The following WASHC3 variants were observed in gnomAD, a reference collection of about 807,000 sequenced individuals.
The protein encoded by WASHC3 is WASH complex subunit CCDC53.
WASHC3 carries 24 observed loss-of-function variants against 26.1 expected under a neutral mutation model. That is an observed-to-expected ratio of 0.92 (90% CI 0.66 to 1.29). WASHC3 has a LOEUF of 1.29. Ranked by LOEUF, WASHC3 falls within the 50% of genes most tolerant of loss-of-function variation. The pLI is 0.00. For missense variants in WASHC3, 214 were observed against 229.6 expected, an observed-to-expected ratio of 0.93 and a Z score of 0.44; for synonymous variants, 77 against 75.7, an observed-to-expected ratio of 1.02 and a Z score of -0.09.
chr12:102,060,015 T>C (rs554484926), intron 2 of WASHC3, among the ~76,000 whole-genome samples: 5 of 152,310 alleles, frequency 3.3e-5, no homozygotes, highest in South Asian at 2.1e-4. Context: ...TGTTGATAAT[T>C]AGACAAAACA....
chr12:102,036,362 CAAAAAAAA>C (rs1271595888), intron 5 of WASHC3, among the ~76,000 whole-genome samples: 1 of 71,976 alleles, frequency 1.4e-5, no homozygotes, highest in African/African-American at 4.9e-5. Flanking sequence ...GACTCCGTCT[CAAAAAAAA>C]AAAAAAAAAA....
chr12:102,029,486 T>C (rs185802274), intron 5 of WASHC3, among the ~76,000 whole-genome samples: 2 of 152,340 alleles, frequency 1.3e-5, no homozygotes, highest in East Asian at 3.9e-4. Context: ...ACTAGTTTCT[T>C]ATATCACAAA....
intron 4 of WASHC3, 110 bp downstream of exon 4, chr12:102,043,995 A>C (rs1171519965): frequency 7.7e-6 from 4 of 518,010 alleles, no homozygotes; most frequent in Non-Finnish European, 1.4e-5. Context: ...TAAGGTTTTA[A>C]AATTTTACTA....
intron 5 of WASHC3, among the ~76,000 whole-genome samples, chr12:102,036,162 C>G (rs578236574): frequency 6.6e-6 from 1 of 152,058 alleles, no homozygotes; most frequent in East Asian, 1.9e-4. Flanking sequence ...GAGTTCAACA[C>G]CAGCCTGGCC....
intron 5 of WASHC3, 31 bp from the exon 6 acceptor site, chr12:102,026,069 T>C: frequency 2.4e-6 from 3 of 1,271,930 alleles, no homozygotes; most frequent in Non-Finnish European, 3.3e-6. Flanking sequence ...AATTTCATCA[T>C]TAAAAATGTC....
chr12:102,033,308 T>C (rs923932715), intron 5 of WASHC3, among the ~76,000 whole-genome samples: 4 of 152,126 alleles, frequency 2.6e-5, no homozygotes, highest in Admixed American at 6.6e-5. Context: ...AAATTAAAGC[T>C]TTCTATGCTA....
At chr12:102,020,309 C>T (rs1876897474) in intron 6 of WASHC3, among the ~76,000 whole-genome samples, 1 of 152,092 alleles carries the variant, frequency 6.6e-6, no homozygotes, top group African/African-American at 2.4e-5. Flanking sequence ...GAGGAGAATG[C>T]CAGTCAGCCA....
chr12:102,050,599 C>T (rs1300949287), intron 2 of WASHC3: 14 of 453,640 alleles, frequency 3.1e-5, no homozygotes, highest in African/African-American at 1.2e-4. Flanking sequence ...GCTGTGATCA[C>T]GCCACTGCAC....
chr12:102,017,321 T>C lies in WASHC3; in HGVS notation c.501-4129A>G, dbSNP rs138549661. 2.4e-3 allele frequency among the ~76,000 whole-genome samples: 358 copies of C among 152,306 alleles called. 3 individuals are homozygous for C. Among genetic ancestry groups the C allele is most frequent in the African/African-American group, 7.8e-3 (325 of 41,550 alleles). On this transcript the variant is annotated intron_variant, in intron 6 of 6. Coordinates refer to ENST00000240079, the MANE Select transcript of WASHC3 (RefSeq NM_016053.4). ...CACCTACAATGCATTTCTTGTAACATATCCCTGTCCTTAAGCGATGCACGG... is the reference window on the plus strand; with the variant it reads ...CACCTACAATGCATTTCTTGTAACACATCCCTGTCCTTAAGCGATGCACGG...
At chr12:102,017,511 A>G (rs1406863241) in intron 6 of WASHC3, among the ~76,000 whole-genome samples, 1 of 152,230 alleles carries the variant, frequency 6.6e-6, no homozygotes, top group Non-Finnish European at 1.5e-5. Flanking sequence ...AGAGAATGAC[A>G]GCATTCTGGG....
chr12:102,032,866 T>A (rs1225912251), intron 5 of WASHC3, among the ~76,000 whole-genome samples: 3 of 152,194 alleles, frequency 2.0e-5, no homozygotes, highest in Non-Finnish European at 2.9e-5. Context: ...ACAACTTTTC[T>A]TTCATTGTTT....
chr12:102,025,995 C>A lies in WASHC3; in HGVS notation c.479G>T (p.Gly160Val). Residue 160 changes from glycine (G) to valine (V), a missense_variant, in exon 6 of 7, where the codon GGA becomes GTA. Gly to Val is a moderately radical substitution (Grantham distance 109, BLOSUM62 -3). Transcript: ENST00000240079. ...MAIRNKMISEGLDPDLLERPD... is the reference protein window; with the variant it reads ...MAIRNKMISEVLDPDLLERPD... ...TTACTCAAGAAGATCTGGGTCTAGTCCTTCTGATATCATTTTGTTTCTTAT... is the reference window on the plus strand; with the variant it reads ...TTACTCAAGAAGATCTGGGTCTAGTACTTCTGATATCATTTTGTTTCTTAT... 6.5e-7 allele frequency: 1 copy of A among 1,532,420 alleles called. No individual in the cohort carries two copies. Among genetic ancestry groups the A allele is most frequent in the Non-Finnish European group, 8.9e-7 (1 of 1,124,108 alleles). 94.9% of individuals were successfully genotyped at this position (1,532,420 alleles called of 1,614,324 possible).
intron 2 of WASHC3, among the ~76,000 whole-genome samples, chr12:102,051,307 T>C (rs1237856669): frequency 4.6e-5 from 7 of 152,328 alleles, no homozygotes; most frequent in African/African-American, 2.4e-5. Context: ...AAACAGTCAG[T>C]TGGTTCTTGT....
chr12:102,057,500 C>G (rs1196480326), intron 2 of WASHC3, among the ~76,000 whole-genome samples: 1 of 152,026 alleles, frequency 6.6e-6, no homozygotes, highest in Non-Finnish European at 1.5e-5. Flanking sequence ...ATGGCATGCT[C>G]TTATATATTG....
chr12:102,056,297 C>T (rs1193138336), intron 2 of WASHC3, among the ~76,000 whole-genome samples: 1 of 152,118 alleles, frequency 6.6e-6, no homozygotes, highest in East Asian at 1.9e-4. Flanking sequence ...TTAAAAGTAT[C>T]TCATTTTTTA....
chr12:102,021,795 T>C (rs779972437), intron 6 of WASHC3, among the ~76,000 whole-genome samples: 1 of 152,112 alleles, frequency 6.6e-6, no homozygotes, highest in Non-Finnish European at 1.5e-5. Context: ...AGATAAGGAA[T>C]GATCTTAGAG....
At chr12:102,049,851 T>C (rs974156643) in intron 2 of WASHC3, among the ~76,000 whole-genome samples, 7 of 152,186 alleles carry the variant, frequency 4.6e-5, no homozygotes, top group Non-Finnish European at 8.8e-5. Flanking sequence ...CAAAATATTA[T>C]CTGATTAAAG....
At chr12:102,049,703 A>G (rs771939883) in intron 2 of WASHC3, among the ~76,000 whole-genome samples, 1 of 152,244 alleles carries the variant, frequency 6.6e-6, no homozygotes, top group African/African-American at 2.4e-5. Flanking sequence ...TTTTAAGATA[A>G]TGGATCTCTT....
chr12:102,017,503 A>G (rs1392827171), intron 6 of WASHC3, among the ~76,000 whole-genome samples: 4 of 152,236 alleles, frequency 2.6e-5, no homozygotes, highest in African/African-American at 9.6e-5. Context: ...GAAATAAAAG[A>G]GAATGACAGC....
Sources: allele counts gnomAD v4.1 joint callset (sites outside exome capture counted in the v4.1 genomes callset), GRCh38; gene constraint gnomAD v4.1.1; transcripts MANE v1.5; gene names NCBI Gene and HGNC (gene_info 2026-07-23, HGNC 2026-07-21).